The following PEX7 variants were observed in gnomAD, a reference collection of about 807,000 sequenced individuals.
The protein encoded by PEX7 is PTS2 receptor.
Under a neutral mutation model 47.5 loss-of-function variants are expected in PEX7, and 34 were observed. That is an observed-to-expected ratio of 0.72 (90% CI 0.54 to 0.95). The LOEUF (loss-of-function observed/expected upper bound fraction) is 0.95. Among genes scored for constraint, PEX7 ranks in the 40% least tolerant of loss-of-function variants. PEX7 has a pLI of 0.00. For missense variants in PEX7, 394 were observed against 400.3 expected (o/e 0.98, Z 0.13); for synonymous variants, 141 against 148.8 (o/e 0.95, Z 0.38).
intron 3 of PEX7, among the ~76,000 whole-genome samples, chr6:136,837,947 T>C (rs1582740137): frequency 6.6e-6 from 1 of 152,088 alleles, no homozygotes; most frequent in South Asian, 2.1e-4. Context: ...ATTCTGAAAA[T>C]TGATAAACAA....
At chr6:136,884,638 G>A (rs1306459999) in intron 8 of PEX7, among the ~76,000 whole-genome samples, 1 of 146,066 alleles carries the variant, frequency 6.8e-6, no homozygotes, top group South Asian at 2.2e-4. Context: ...TGAAATTCAT[G>A]TTGCTATTTA....
At chr6:136,847,521 A>G (rs1273158399) in intron 5 of PEX7, among the ~76,000 whole-genome samples, 34 of 151,600 alleles carry the variant, frequency 2.2e-4, no homozygotes, top group Non-Finnish European at 4.0e-4. Context: ...TAATTTTTGT[A>G]TAAGGTGTAA....
At chr6:136,867,924 A>G (rs1281634180) in intron 6 of PEX7, among the ~76,000 whole-genome samples, 2 of 152,214 alleles carry the variant, frequency 1.3e-5, no homozygotes, top group Non-Finnish European at 2.9e-5. Flanking sequence ...AGGCCTTTCC[A>G]TTCACTCACT....
At chr6:136,834,028 AC>A (rs1259636094) in intron 3 of PEX7, among the ~76,000 whole-genome samples, 4 of 152,214 alleles carry the variant, frequency 2.6e-5, no homozygotes, top group Non-Finnish European at 5.9e-5. Flanking sequence ...AACAAAAAAA[AC>A]AACCATTCCG....
At chr6:136,839,906 T>A (rs903673260) in intron 3 of PEX7, among the ~76,000 whole-genome samples, 1 of 152,100 alleles carries the variant, frequency 6.6e-6, no homozygotes, top group Admixed American at 6.6e-5. Flanking sequence ...ATGTCTAATG[T>A]GGTAAGCGCT....
chr6:136,859,641 CT>C (rs563305014), intron 5 of PEX7, among the ~76,000 whole-genome samples: 3 of 152,124 alleles, frequency 2.0e-5, no homozygotes, highest in Non-Finnish European at 4.4e-5. Context: ...TACACTCATT[CT>C]CCTTATGCAA....
At chr6:136,883,497 A>G (rs191156418) in intron 8 of PEX7, among the ~76,000 whole-genome samples, 2 of 152,254 alleles carry the variant, frequency 1.3e-5, no homozygotes, top group East Asian at 1.9e-4. Context: ...TAAGGATTCC[A>G]TGTTCTTTTT....
intron 8 of PEX7, among the ~76,000 whole-genome samples, chr6:136,882,423 C>G (rs1375158682): frequency 1.3e-5 from 2 of 152,020 alleles, no homozygotes; most frequent in Admixed American, 6.6e-5. Flanking sequence ...AGTGATCTGC[C>G]CACCACAGCC....
intron 3 of PEX7, among the ~76,000 whole-genome samples, chr6:136,827,738 G>A (rs1238583125): frequency 6.6e-6 from 1 of 151,786 alleles, no homozygotes; most frequent in African/African-American, 2.4e-5. Flanking sequence ...CACCATGTTG[G>A]CTAGGCTGGT....
At chr6:136,911,743 T>C (rs1775936952) in intron 9 of PEX7, among the ~76,000 whole-genome samples, 1 of 152,214 alleles carries the variant, frequency 6.6e-6, no homozygotes, top group Non-Finnish European at 1.5e-5. Context: ...ATGAAGTTGC[T>C]ATGAACATTC....
At chr6:136,861,462 A>T (rs1033620353) in intron 5 of PEX7, among the ~76,000 whole-genome samples, 1 of 152,210 alleles carries the variant, frequency 6.6e-6, no homozygotes, top group Non-Finnish European at 1.5e-5. Context: ...AGACAATGCT[A>T]TAGCTATAGC....
Position 136,884,644 on chromosome 6 carries a change from A to G in PEX7, c.803+12391A>G, listed in dbSNP as rs1329420678. Among the ~76,000 whole-genome samples, 5 of 152,104 alleles carry G rather than the reference A, an allele frequency of 3.3e-5. No individual in the cohort carries two copies. In the East Asian group the frequency reaches 7.7e-4, roughly 23 times the overall value. ...ATTTCTATTTGAAATTCATGTTGCT[A>G]TTTACCAAATATAATAGAAGCTTTA... On this transcript the variant is annotated intron_variant, in intron 8 of 9. Coordinates refer to ENST00000318471, the MANE Select transcript of PEX7 (RefSeq NM_000288.4).
intron 1 of PEX7, among the ~76,000 whole-genome samples, 173 bp from the exon 2 acceptor site, chr6:136,825,041 C>T (rs1481121381): frequency 6.6e-6 from 1 of 152,140 alleles, no homozygotes; most frequent in African/African-American, 2.4e-5. Context: ...TATTCATGTC[C>T]CAAAAACTTT....
chr6:136,883,407 A>G (rs1048884870), intron 8 of PEX7, among the ~76,000 whole-genome samples: 4 of 152,080 alleles, frequency 2.6e-5, no homozygotes, highest in Non-Finnish European at 5.9e-5. Context: ...AATCCAGTCC[A>G]CTTGTCAGCA....
intron 8 of PEX7, among the ~76,000 whole-genome samples, chr6:136,891,123 C>G (rs1775545516): frequency 6.6e-6 from 1 of 152,156 alleles, no homozygotes; most frequent in Non-Finnish European, 1.5e-5. Context: ...AGAAAGTCAT[C>G]CAGCATCCCT....
At chr6:136,885,942 A>G (rs904435279) in intron 8 of PEX7, among the ~76,000 whole-genome samples, 2 of 152,192 alleles carry the variant, frequency 1.3e-5, no homozygotes, top group African/African-American at 4.8e-5. Context: ...AGTACCCACC[A>G]CATGGGATTG....
At chr6:136,839,654 A>G (rs1369715278) in intron 3 of PEX7, among the ~76,000 whole-genome samples, 1 of 152,114 alleles carries the variant, frequency 6.6e-6, no homozygotes, top group Non-Finnish European at 1.5e-5. Context: ...CATGCCCACT[A>G]TTTGAGTGGG....
intron 8 of PEX7, among the ~76,000 whole-genome samples, chr6:136,889,636 A>G (rs1465400174): frequency 6.6e-6 from 1 of 152,240 alleles, no homozygotes; most frequent in Non-Finnish European, 1.5e-5. Context: ...GCAACTGAGT[A>G]GATTTTGTTG....
Position 136,900,401 on chromosome 6 carries a change from C to A in PEX7, c.903+2160C>A. ...ATTTAATCCAGTTTAGTGGCAGGTTCTTTAGCCTTTGCCTTTTCCAGCTTG... is the reference window on the plus strand; with the variant it reads ...ATTTAATCCAGTTTAGTGGCAGGTTATTTAGCCTTTGCCTTTTCCAGCTTG... On this transcript the variant is annotated intron_variant, in intron 9 of 9. Transcript: ENST00000318471. This position sits in a 1 kb window ranked among gnomAD's most constrained non-coding sequence, Gnocchi z 4.2. The A allele has an allele frequency of 2.7e-6, 1 of 376,490 alleles. No homozygotes were observed. Among genetic ancestry groups the A allele is most frequent in the South Asian group, 2.3e-5 (1 of 43,210 alleles). 23.3% of individuals were successfully genotyped at this position (376,490 alleles called of 1,614,324 possible).
Sources: allele counts gnomAD v4.1 joint callset (sites outside exome capture counted in the v4.1 genomes callset), GRCh38; gene constraint gnomAD v4.1.1; non-coding constraint Gnocchi (gnomAD v3.1); transcripts MANE v1.5; gene names NCBI Gene and HGNC (gene_info 2026-07-23, HGNC 2026-07-21).